DPYSL2: variants seen among roughly 807,000 people sequenced by gnomAD.
DPYSL2 encodes the protein dihydropyrimidinase like 2.
A neutral mutation model predicts 69.9 loss-of-function variants in DPYSL2; 13 were observed. The ratio of observed to expected loss-of-function variants is 0.19; its 90% CI spans 0.12 to 0.30. The LOEUF is 0.30. DPYSL2 is among the 10% of genes least tolerant of loss of function. The pLI, the probability that DPYSL2 is intolerant of heterozygous loss-of-function variation, is 1.00. For missense variants in DPYSL2, 587 were observed against 918.9 expected (o/e 0.64, Z 4.67); for synonymous variants, 326 against 359.1 (o/e 0.91, Z 1.04).
chr8:26,602,623 C>T (rs1205527685), intron 3 of DPYSL2, among the ~76,000 whole-genome samples: 2 of 152,164 alleles, frequency 1.3e-5, no homozygotes, highest in East Asian at 1.9e-4. Flanking sequence ...AAACCCTGTT[C>T]GTTTATTCAT....
chr8:26,543,242 A>T (rs1800713061), intron 1 of DPYSL2, among the ~76,000 whole-genome samples: 1 of 152,180 alleles, frequency 6.6e-6, no homozygotes, highest in Non-Finnish European at 1.5e-5. Context: ...CCATTGAATT[A>T]CTCAATTTAC....
At chr8:26,628,297 C>T (rs1378622299) in intron 7 of DPYSL2, among the ~76,000 whole-genome samples, 2 of 152,156 alleles carry the variant, frequency 1.3e-5, no homozygotes, top group African/African-American at 4.8e-5. Flanking sequence ...TTCACCAAAA[C>T]GTAGTTGGAA....
In DPYSL2 at chr8:26,643,555, G is replaced by C; in HGVS notation, c.1243G>C (p.Asp415His). The C allele has an allele frequency of 6.2e-7, 1 of 1,614,152 alleles. No homozygotes were observed. The highest frequency in any genetic ancestry group is 8.5e-7 in the Non-Finnish European group (1 of 1,180,022). Residue 415 changes from aspartate (D) to histidine (H), a missense_variant, in exon 9 of 14, where the codon GAT (aspartate) becomes CAT (histidine). Coordinates refer to ENST00000521913, the MANE Select transcript of DPYSL2 (RefSeq NM_001197293.3). This position sits in a 1 kb window ranked among gnomAD's most constrained non-coding sequence, Gnocchi z 6.5. ...TGTCACCTCCCCACCCTTGAGCCCTGATCCAACCACTCCAGACTTTCTCAA... is the reference window on the plus strand; with the variant it reads ...TGTCACCTCCCCACCCTTGAGCCCTCATCCAACCACTCCAGACTTTCTCAA... ...AFVTSPPLSPDPTTPDFLNSL... is the reference protein window; with the variant it reads ...AFVTSPPLSPHPTTPDFLNSL...
intron 1 of DPYSL2, among the ~76,000 whole-genome samples, chr8:26,579,653 G>T (rs923369434): frequency 6.6e-6 from 1 of 152,180 alleles, no homozygotes. Flanking sequence ...GGGAGGGGGC[G>T]TGTGCTCGGA....
In DPYSL2 at chr8:26,619,856, A is replaced by T. The variant is rs1204161031; in HGVS notation, c.629-4287A>T. On this transcript the variant is annotated intron_variant, in intron 3 of 13. Coordinates refer to ENST00000521913, the MANE Select transcript of DPYSL2 (RefSeq NM_001197293.3). The surrounding 1 kb of genome is among the most constrained non-coding windows in gnomAD (Gnocchi z 4.8). ...TAGGCATGCGCCACTGCACCTGGCC[A>T]GAACCTGTGTTTTAAGGAACACTGG... is the stretch of plus-strand genomic sequence containing the variant. 2.0e-5 allele frequency: 3 copies of T among 152,326 alleles called. No individual in the cohort carries two copies. In the East Asian group the frequency reaches 5.8e-4, roughly 29 times the overall value. The allele number at this position is 152,326 out of a possible 1,614,324, so 9.4% of individuals were successfully genotyped here.
rs921427922 is a variant in DPYSL2, at chr8:26,516,597, T to C, written c.354+1918T>C. On this transcript the variant is annotated intron_variant, in intron 1 of 13. Coordinates refer to ENST00000521913, the MANE Select transcript of DPYSL2 (RefSeq NM_001197293.3). This position sits in a 1 kb window ranked among gnomAD's most constrained non-coding sequence, Gnocchi z 4.8. ...TCTTGGCCATTTAGAAGCTTAGATA[T>C]ATGAAATTCTAAATTGTAAAACTAA... 2.0e-5 allele frequency among the ~76,000 whole-genome samples: 3 copies of C among 152,198 alleles called. No individual in the cohort carries two copies. The highest frequency in any genetic ancestry group is 4.8e-5 in the African/African-American group (2 of 41,454).
In DPYSL2 at chr8:26,598,582, C is replaced by T. The variant is rs998030152; in HGVS notation, c.628+14599C>T. On this transcript the variant is annotated intron_variant, in intron 3 of 13. Coordinates refer to ENST00000521913, the MANE Select transcript of DPYSL2 (RefSeq NM_001197293.3). The surrounding 1 kb of genome is among the most constrained non-coding windows in gnomAD (Gnocchi z 4.2). ...TGCCCCCACCTTGGTGAGCACCTTT[C>T]CCCCCAGGCACAGTCCCTGCTTACG... 2.0e-5 allele frequency among the ~76,000 whole-genome samples: 3 copies of T among 152,166 alleles called. No individual in the cohort carries two copies. The highest frequency in any genetic ancestry group is 7.2e-5 in the African/African-American group (3 of 41,428).
chr8:26,551,484 T>C (rs1800873633), intron 1 of DPYSL2, among the ~76,000 whole-genome samples: 1 of 152,174 alleles, frequency 6.6e-6, no homozygotes, highest in African/African-American at 2.4e-5. Flanking sequence ...TCTGCCAGTA[T>C]AGTTATAGAC....
rs1267621612 is a variant in DPYSL2 at position 26,585,081 on chromosome 8, A to G, written c.628+1098A>G. Among the ~76,000 whole-genome samples, 2 of 152,166 alleles carry G rather than the reference A, an allele frequency of 1.3e-5. No individual in the cohort carries two copies. The highest frequency in any genetic ancestry group is 6.5e-5 in the Admixed American group (1 of 15,272). The stretch of plus-strand genomic sequence containing the variant: ...GTTTTTGAGGAGGTGGGCAAGCTGC[A>G]TAGTGGCCCGTCAGATACATATTTT... On this transcript the variant is annotated intron_variant, in intron 3 of 13. Transcript: ENST00000521913. The surrounding 1 kb of genome is among the most constrained non-coding windows in gnomAD (Gnocchi z 4.0).
At chr8:26,521,988 A>AT (rs1360567827) in intron 1 of DPYSL2, among the ~76,000 whole-genome samples, 2 of 152,058 alleles carry the variant, frequency 1.3e-5, no homozygotes, top group Admixed American at 6.6e-5. Flanking sequence ...TGCTATTAAC[A>AT]TTTTTTTACA....
intron 1 of DPYSL2, chr8:26,578,236 A>G (rs768012686): frequency 6.2e-7 from 1 of 1,614,038 alleles, no homozygotes; most frequent in Non-Finnish European, 8.5e-7. Context: ...CTTGAAATTA[A>G]TTTTTTCCCA....
chr8:26,646,399 C>T (rs1476214645), intron 10 of DPYSL2, among the ~76,000 whole-genome samples: 3 of 152,048 alleles, frequency 2.0e-5, no homozygotes, highest in Non-Finnish European at 4.4e-5. Context: ...TATGTCATTC[C>T]CCAGTGTCTT....
chr8:26,627,395 A>G lies in DPYSL2; in HGVS notation c.936+100A>G. 8.0e-7 allele frequency: 1 copy of G among 1,251,362 alleles called. No homozygotes were observed. The highest frequency in any genetic ancestry group is 1.2e-6 in the Non-Finnish European group (1 of 863,836). 77.5% of individuals were successfully genotyped at this position (1,251,362 alleles called of 1,614,324 possible). A position where few individuals can be genotyped will look rare whatever the true frequency, so the allele number is the denominator to read the frequency against. ...TCTGTAGCTTAACACCAAGGTGGAAAAGCAGAGGGACCTGGTGTTCCCTTG... is the reference window on the plus strand; with the variant it reads ...TCTGTAGCTTAACACCAAGGTGGAAGAGCAGAGGGACCTGGTGTTCCCTTG... On this transcript the variant is annotated intron_variant, in intron 6 of 13. Coordinates refer to ENST00000521913, the MANE Select transcript of DPYSL2 (RefSeq NM_001197293.3). This position sits in a 1 kb window ranked among gnomAD's most constrained non-coding sequence, Gnocchi z 6.9.
At position 26,560,314 on chromosome 8, in the gene DPYSL2, G is replaced by C. The variant is rs1801051480; in HGVS notation, c.355-21655G>C. 6.6e-6 allele frequency among the ~76,000 whole-genome samples: 1 copy of C among 152,128 alleles called. No homozygotes were observed. On this transcript the variant is annotated intron_variant, in intron 1 of 13. Transcript: ENST00000521913. This position sits in a 1 kb window ranked among gnomAD's most constrained non-coding sequence, Gnocchi z 4.4. ...AGAATGAGGAATAAGACAAGCCTTAGAATACTTTTAGACAGAGCCCAATCA... is the reference window on the plus strand; with the variant it reads ...AGAATGAGGAATAAGACAAGCCTTACAATACTTTTAGACAGAGCCCAATCA...
In DPYSL2 at chr8:26,655,095, AC is replaced by A. The variant is rs1159555853; in HGVS notation, c.1943-518del. On this transcript the variant is annotated intron_variant, in intron 13 of 13. Coordinates refer to ENST00000521913, the MANE Select transcript of DPYSL2 (RefSeq NM_001197293.3). Reference sequence around the variant, plus strand: ...ACTCCTGGACTCAAGCAATCTTCTCACCTCAGCCTCTCCAAGTGCTGTTAGT... The same window carrying A: ...ACTCCTGGACTCAAGCAATCTTCTCACTCAGCCTCTCCAAGTGCTGTTAGT... Among the ~76,000 whole-genome samples the A allele has an allele frequency of 2.6e-4, 39 of 150,972 alleles. 1 individual carries two copies. Among genetic ancestry groups the A allele is most frequent in the Admixed American group, 2.6e-3 (39 of 15,146 alleles).
At position 26,604,836 on chromosome 8, in the gene DPYSL2, ATT is replaced by A. The variant is rs534554845; in HGVS notation, c.629-19299_629-19298del. ...GCCACCACACCTGGCTAATTTTTGC[ATT>A]TTTTTTTAGTAGAGACGGGGTTTCA... On this transcript the variant is annotated intron_variant, in intron 3 of 13. Transcript: ENST00000521913. 2.5e-3 allele frequency among the ~76,000 whole-genome samples: 376 copies of A among 149,996 alleles called. 1 individual carries two copies. Among genetic ancestry groups the A allele is most frequent in the Non-Finnish European group, 2.9e-3 (193 of 67,346 alleles).
At chr8:26,548,215 G>A in intron 1 of DPYSL2, 1 of 233,638 alleles carries the variant, frequency 4.3e-6, no homozygotes, top group Non-Finnish European at 8.7e-6. Context: ...TGTGGCCAAG[G>A]CCTCCAAGGA....
intron 3 of DPYSL2, among the ~76,000 whole-genome samples, chr8:26,622,433 A>G (rs927428213): frequency 5.9e-5 from 9 of 151,566 alleles, no homozygotes; most frequent in Admixed American, 5.9e-4. Flanking sequence ...AATTCAGCTT[A>G]GATGGCCATA....
At position 26,626,803 on chromosome 8, in the gene DPYSL2, C is replaced by T; in HGVS notation, c.855+125C>T. 1.0e-6 allele frequency: 1 copy of T among 999,704 alleles called. No individual in the cohort carries two copies. The highest frequency in any genetic ancestry group is 1.5e-6 in the Non-Finnish European group (1 of 659,894). 61.9% of individuals were successfully genotyped at this position (999,704 alleles called of 1,614,324 possible). ...CTTCCTGGGAAGTGGCTGGTGGATG[C>T]AGTTACTGATGTAACTGAGCCTTGG... is the stretch of plus-strand genomic sequence containing the variant. On this transcript the variant is annotated intron_variant, in intron 5 of 13. Transcript: ENST00000521913. The surrounding 1 kb of genome is among the most constrained non-coding windows in gnomAD (Gnocchi z 4.3).
Sources: gnomAD v4.1 joint callset for allele counts (sites outside exome capture counted in the v4.1 genomes callset) on GRCh38, gnomAD v4.1.1 for gene constraint, Gnocchi (gnomAD v3.1) non-coding constraint, MANE v1.5 for transcripts, NCBI Gene and HGNC (gene_info 2026-07-23, HGNC 2026-07-21) for gene names.